Variants in IGSF3 observed in about 807,000 individuals in gnomAD.
IGSF3 encodes glu-Trp-Ile EWI motif-containing protein 3.
Under a neutral mutation model 114.4 loss-of-function variants are expected in IGSF3, and 23 were observed. The observed-to-expected ratio is 0.20, with a 90% CI of 0.14 to 0.28. IGSF3 has a LOEUF of 0.28. Among genes scored for constraint, IGSF3 ranks in the 10% least tolerant of loss-of-function variants. The pLI is 1.00. For synonymous variants in IGSF3, 571 were observed against 645.2 expected, an observed-to-expected ratio of 0.88 and a Z score of 1.74; for missense variants, 1,172 against 1,591.5, an observed-to-expected ratio of 0.74 and a Z score of 4.48.
chr1:116,623,840 C>A (rs1300328211), intron 2 of IGSF3, among the ~76,000 whole-genome samples: 3 of 151,346 alleles, frequency 2.0e-5, no homozygotes, highest in Non-Finnish European at 4.4e-5. Flanking sequence ...AATCCCAGCA[C>A]TTTGGGAGGG....
rs908864414 is a variant in IGSF3, at chr1:116,598,769, C to T, written c.2029+1172G>A. ...CATGGGCTGGGCGAGGGAAGGAACA[C>T]GGGAGCCTACTGCCTGGGCTCCACC... On this transcript the variant is annotated intron_variant, in intron 7 of 10. Transcript: ENST00000369486. The surrounding 1 kb of genome is among the most constrained non-coding windows in gnomAD (Gnocchi z 4.3). 2.0e-5 allele frequency among the ~76,000 whole-genome samples: 3 copies of T among 152,184 alleles called. No homozygotes were observed. Among genetic ancestry groups the T allele is most frequent in the Non-Finnish European group, 2.9e-5 (2 of 68,036 alleles).
rs1486614939 is a variant in IGSF3 at position 116,588,259 on chromosome 1, G to A, written c.2440+435C>T. Reference sequence around the variant, plus strand: ...GGAAAGGCTTGTCTGGGCGGGCTGGGAGCTAAGGAAGAAGGGGGATGCAGA... The same window carrying A: ...GGAAAGGCTTGTCTGGGCGGGCTGGAAGCTAAGGAAGAAGGGGGATGCAGA... On this transcript the variant is annotated intron_variant, in intron 8 of 10. Transcript: ENST00000369486. The surrounding 1 kb of genome is among the most constrained non-coding windows in gnomAD (Gnocchi z 4.9). Among the ~76,000 whole-genome samples the A allele has an allele frequency of 6.6e-6, 1 of 152,170 alleles. No individual in the cohort carries two copies. Among genetic ancestry groups the A allele is most frequent in the Admixed American group, 6.5e-5 (1 of 15,274 alleles).
rs1659636429 is a variant in IGSF3 at position 116,582,374 on chromosome 1, C to T, written c.2848+2271G>A. 1.3e-5 allele frequency among the ~76,000 whole-genome samples: 2 copies of T among 152,184 alleles called. No homozygotes were observed. Among genetic ancestry groups the T allele is most frequent in the African/African-American group, 4.8e-5 (2 of 41,442 alleles). ...CTCACTGTGACCGCCAATTCCTGGC[C>T]TGTGTGTGATGATTGTGGTTTTCTC... On this transcript the variant is annotated intron_variant, in intron 9 of 10. Coordinates refer to ENST00000369486, the MANE Select transcript of IGSF3 (RefSeq NM_001007237.3). The surrounding 1 kb of genome is among the most constrained non-coding windows in gnomAD (Gnocchi z 4.7).
chr1:116,646,759 A>C (rs553265368), intron 2 of IGSF3: 4 of 152,364 alleles, frequency 2.6e-5, no homozygotes, highest in Non-Finnish European at 5.9e-5. Context: ...CTGGTAGCTG[A>C]AGAGCACGTC....
Position 116,588,995 on chromosome 1 carries a change from A to C in IGSF3, c.2139T>G (p.Phe713Leu), listed in dbSNP as rs1255674640. The change falls in exon 8 of 11, where the codon TTT (phenylalanine) becomes TTG (leucine). Residue 713 changes from phenylalanine to leucine, a missense_variant. Around this residue, in one of 3 missense-constraint regions of IGSF3, gnomAD observed 736 missense variants for 1,042.0 expected, o/e 0.71. Coordinates refer to ENST00000369486, the MANE Select transcript of IGSF3 (RefSeq NM_001007237.3). The surrounding 1 kb of genome is among the most constrained non-coding windows in gnomAD (Gnocchi z 4.9). ...VKSQTSQNSHFAVLWYVHKPS... is the reference protein window; with the variant it reads ...VKSQTSQNSHLAVLWYVHKPS... Reference sequence around the variant, plus strand: ...GCTTGTGGACATACCAGAGCACCGCAAAGTGGGAGTTCTGGCTAGTCTGAG... The same window carrying C: ...GCTTGTGGACATACCAGAGCACCGCCAAGTGGGAGTTCTGGCTAGTCTGAG... 6.2e-7 allele frequency: 1 copy of C among 1,614,198 alleles called. No homozygotes were observed. The highest frequency in any genetic ancestry group is 1.7e-5 in the Admixed American group (1 of 60,028).
intron 6 of IGSF3, among the ~76,000 whole-genome samples, chr1:116,601,277 G>C (rs541863640): frequency 4.6e-4 from 70 of 152,340 alleles, no homozygotes; most frequent in African/African-American, 1.7e-3. Context: ...GTCAATGACA[G>C]AGTTAGTCTC....
chr1:116,666,155 G>A, intron 2 of IGSF3, 129 bp downstream of exon 2: 3 of 851,098 alleles, frequency 3.5e-6, no homozygotes, highest in Non-Finnish European at 6.1e-6. Flanking sequence ...TCCAACCTGT[G>A]ACACACACCG....
At chr1:116,656,147 C>T (rs531672958) in intron 2 of IGSF3, among the ~76,000 whole-genome samples, 3 of 151,956 alleles carry the variant, frequency 2.0e-5, no homozygotes, top group Non-Finnish European at 4.4e-5. Flanking sequence ...CGCATGATTC[C>T]ATTTATATCA....
rs1342838828 is a variant in IGSF3, at chr1:116,625,311, A to T, written c.44-8854T>A. Reference sequence around the variant, plus strand: ...AAAGTGCAAGGTTAAGCCCTTTCAGAAAGTGAAAGCATTCAAAAAGCCTTC... The same window carrying T: ...AAAGTGCAAGGTTAAGCCCTTTCAGTAAGTGAAAGCATTCAAAAAGCCTTC... On this transcript the variant is annotated intron_variant, in intron 2 of 10. Transcript: ENST00000369486. This position sits in a 1 kb window ranked among gnomAD's most constrained non-coding sequence, Gnocchi z 4.7. Among the ~76,000 whole-genome samples the T allele has an allele frequency of 2.0e-5, 3 of 152,250 alleles. No homozygotes were observed. The East Asian group carries it at 5.8e-4, about 29-fold the overall frequency.
intron 10 of IGSF3, among the ~76,000 whole-genome samples, chr1:116,578,476 T>A (rs2101284257): frequency 6.6e-6 from 1 of 152,340 alleles, no homozygotes; most frequent in Non-Finnish European, 1.5e-5. Context: ...CCAAAGTGTA[T>A]GAAACTGCTG....
At chr1:116,659,652 C>T (rs1649029869) in intron 2 of IGSF3, among the ~76,000 whole-genome samples, 1 of 151,706 alleles carries the variant, frequency 6.6e-6, no homozygotes, top group South Asian at 2.1e-4. Context: ...GAGATGGGGG[C>T]CACCCAGGCT....
chr1:116,640,014 T>C (rs1296820462), intron 2 of IGSF3, among the ~76,000 whole-genome samples: 1 of 128,116 alleles, frequency 7.8e-6, no homozygotes, highest in Admixed American at 1.0e-4. Flanking sequence ...CACTCCAGCC[T>C]GAGCAACAGC....
chr1:116,667,071 C>G (rs563937415), intron 1 of IGSF3, 115 bp from the exon 2 acceptor site: 11 of 383,072 alleles, frequency 2.9e-5, no homozygotes, highest in Non-Finnish European at 5.1e-5. Context: ...GACAGTCAAC[C>G]TCTGCATTCT....
chr1:116,667,520 GCTCCCCA>G (rs1402857516), intron 1 of IGSF3, 91 bp downstream of exon 1: 2 of 148,092 alleles, frequency 1.4e-5, no homozygotes, highest in Non-Finnish European at 3.0e-5. Context: ...GCGCGGGCCC[GCTCCCCA>G]CTCCCCGCTC....
Position 116,614,272 on chromosome 1 carries a change from G to T in IGSF3, c.422-97C>A. On this transcript the variant is annotated intron_variant, in intron 3 of 10. Transcript: ENST00000369486. This position sits in a 1 kb window ranked among gnomAD's most constrained non-coding sequence, Gnocchi z 4.5. ...CATTCCACGCAGGCGTCACTGCACTGCGCCCCTAACAGTCATCCTTGAACC... is the reference window on the plus strand; with the variant it reads ...CATTCCACGCAGGCGTCACTGCACTTCGCCCCTAACAGTCATCCTTGAACC... 1.0e-6 allele frequency: 1 copy of T among 968,022 alleles called. No homozygotes were observed. The highest frequency in any genetic ancestry group is 1.6e-6 in the Non-Finnish European group (1 of 626,092). The allele number at this position is 968,022 out of a possible 1,614,324, so 60.0% of individuals were successfully genotyped here. A position where few individuals can be genotyped will look rare whatever the true frequency, so the allele number is the denominator to read the frequency against.
rs1305938231 is a variant in IGSF3, at chr1:116,579,686, C to T, written c.3040G>A (p.Glu1014Lys). The T allele has an allele frequency of 1.9e-6, 3 of 1,613,512 alleles. No homozygotes were observed. The highest frequency in any genetic ancestry group is 2.5e-6 in the Non-Finnish European group (3 of 1,179,848). ...TCGTCGTCCTCCTCCTCCTCCTCCT[C>T]CCTTTCCTCTTCCTGTTCTTCCAGG... ...PGLEEQEEER[E>K]EEEEEDDDDD... Residue 1014 changes from glutamate to lysine, a missense_variant, in exon 10 of 11, where the codon GAG becomes AAG. This residue lies in a region of IGSF3 where 423 missense variants were observed against 509.8 expected (regional missense o/e 0.83). Coordinates refer to ENST00000369486, the MANE Select transcript of IGSF3 (RefSeq NM_001007237.3). The surrounding 1 kb of genome is among the most constrained non-coding windows in gnomAD (Gnocchi z 6.4).
chr1:116,605,512 G>A lies in IGSF3; in HGVS notation c.1223-1487C>T, dbSNP rs925313052. Reference sequence around the variant, plus strand: ...GATTCATAGAGATGATCAGGCTCCTGAACAGTCACCATCTATAGCACTAAT... The same window carrying A: ...GATTCATAGAGATGATCAGGCTCCTAAACAGTCACCATCTATAGCACTAAT... On this transcript the variant is annotated intron_variant, in intron 5 of 10. Transcript: ENST00000369486. The surrounding 1 kb of genome is among the most constrained non-coding windows in gnomAD (Gnocchi z 5.1). Among the ~76,000 whole-genome samples, 1 of 152,112 alleles carries A rather than the reference G, an allele frequency of 6.6e-6. No homozygotes were observed. The highest frequency in any genetic ancestry group is 2.4e-5 in the African/African-American group (1 of 41,412).
At position 116,624,345 on chromosome 1, in the gene IGSF3, G is replaced by A. The variant is rs373763994; in HGVS notation, c.44-7888C>T. ...CTGACTTCCCACAGCATGGGCAGTAGCTGTGAGATCTTGGGCTGGTTACTT... is the reference window on the plus strand; with the variant it reads ...CTGACTTCCCACAGCATGGGCAGTAACTGTGAGATCTTGGGCTGGTTACTT... On this transcript the variant is annotated intron_variant, in intron 2 of 10. Transcript: ENST00000369486. The surrounding 1 kb of genome is among the most constrained non-coding windows in gnomAD (Gnocchi z 4.9). 9.2e-5 allele frequency among the ~76,000 whole-genome samples: 14 copies of A among 152,330 alleles called. No individual in the cohort carries two copies. Among genetic ancestry groups the A allele is most frequent in the East Asian group, 3.9e-4 (2 of 5,186 alleles).
At chr1:116,631,739 A>T (rs1647600617) in intron 2 of IGSF3, among the ~76,000 whole-genome samples, 1 of 152,176 alleles carries the variant, frequency 6.6e-6, no homozygotes, top group Non-Finnish European at 1.5e-5. Context: ...CCATCCTGCC[A>T]TGTGCCTCTG....
Sources: allele counts gnomAD v4.1 joint callset (sites outside exome capture counted in the v4.1 genomes callset), GRCh38; gene constraint gnomAD v4.1.1; regional missense constraint gnomAD v4.1.1; non-coding constraint Gnocchi (gnomAD v3.1); transcripts MANE v1.5; gene names NCBI Gene and HGNC (gene_info 2026-07-23, HGNC 2026-07-21).